Variants in RNPC3 observed in about 807,000 individuals in gnomAD.
The protein encoded by RNPC3 is RNA-binding region-containing protein 3.
RNPC3 carries 48 observed loss-of-function variants against 67.5 expected under a neutral mutation model. The observed-to-expected ratio is 0.71, with a 90% confidence interval of 0.56 to 0.90. The LOEUF is 0.90. Ranked by LOEUF, RNPC3 falls within the 40% of genes least tolerant of loss-of-function variation. RNPC3 has a pLI of 0.00. For missense variants in RNPC3, 637 were observed against 626.1 expected, an observed-to-expected ratio of 1.02 and a Z score of -0.19; for synonymous variants, 239 against 210.3, an observed-to-expected ratio of 1.14 and a Z score of -1.18.
chr1:103,553,528 T>G (rs951377669), intron 14 of RNPC3: 1 of 152,232 alleles, frequency 6.6e-6, no homozygotes, highest in Non-Finnish European at 1.5e-5. Context: ...GTCCTTTATA[T>G]AATTTTTTGA....
chr1:103,543,495 T>C, intron 9 of RNPC3, 48 bp downstream of exon 9: 3 of 1,266,682 alleles, frequency 2.4e-6, no homozygotes, highest in Admixed American at 3.4e-5. Context: ...CTTATTGTGT[T>C]AGAATTAAGT....
intron 14 of RNPC3, 31 bp from the exon 15 acceptor site, chr1:103,555,003 C>T (rs1260652041): frequency 6.6e-6 from 1 of 151,994 alleles, no homozygotes; most frequent in Non-Finnish European, 1.5e-5. Flanking sequence ...GTTATACTTC[C>T]TATTTTTAAT....
chr1:103,525,870 C>T lies in RNPC3; in HGVS notation c.-201C>T, dbSNP rs935897647. Reference sequence around the variant, plus strand: ...TGGAATTTAAATCATTAGCACCGCGCCCTTCCCCGAAGAGTCTTCGAAGGG... The same window carrying T: ...TGGAATTTAAATCATTAGCACCGCGTCCTTCCCCGAAGAGTCTTCGAAGGG... On this transcript the variant is annotated 5_prime_UTR_variant, in exon 1 of 15. Transcript: ENST00000423855. 3 of 547,436 alleles carry T rather than the reference C, an allele frequency of 5.5e-6. No homozygotes were observed. Among genetic ancestry groups the T allele is most frequent in the African/African-American group, 3.8e-5 (2 of 52,142 alleles). The allele number at this position is 547,436 out of a possible 1,614,324, so 33.9% of individuals were successfully genotyped here.
intron 2 of RNPC3, 41 bp downstream of exon 2, chr1:103,527,783 C>T: frequency 7.2e-7 from 1 of 1,379,720 alleles, no homozygotes; most frequent in Middle Eastern, 1.8e-4. Flanking sequence ...CAACAGGATC[C>T]TCTTATACAA....
intron 9 of RNPC3, among the ~76,000 whole-genome samples, 188 bp from the exon 10 acceptor site, chr1:103,544,753 A>T (rs979286580): frequency 8.2e-5 from 12 of 146,954 alleles, no homozygotes; most frequent in East Asian, 5.9e-4. Context: ...CTTTAACAAA[A>T]TTTTTTTTTT....
chr1:103,536,614 C>G (rs974415293), intron 6 of RNPC3, among the ~76,000 whole-genome samples: 4 of 152,224 alleles, frequency 2.6e-5, no homozygotes, highest in African/African-American at 7.2e-5. Flanking sequence ...TATACCTGCT[C>G]TTGAATAATT....
intron 2 of RNPC3, among the ~76,000 whole-genome samples, chr1:103,528,846 TGTGTTTTAA>T (rs1379953950): frequency 3.3e-5 from 5 of 152,130 alleles, no homozygotes; most frequent in Admixed American, 2.6e-4. Flanking sequence ...CAAAGAGAAG[TGTGTTTTAA>T]GAAGATGAAA....
intron 8 of RNPC3, 76 bp downstream of exon 8, chr1:103,541,551 A>G (rs1447581348): frequency 7.6e-7 from 1 of 1,321,672 alleles, no homozygotes; most frequent in Non-Finnish European, 9.9e-7. Flanking sequence ...ATCATTCTTC[A>G]TTCTGGCATT....
intron 11 of RNPC3, 42 bp from the exon 12 acceptor site, chr1:103,546,935 C>G: frequency 9.7e-7 from 1 of 1,030,078 alleles, no homozygotes; most frequent in Middle Eastern, 2.1e-4. Flanking sequence ...AAGTTTTTTT[C>G]CCCTGGCTTT....
chr1:103,542,016 T>C (rs763107374), intron 8 of RNPC3, among the ~76,000 whole-genome samples: 10 of 151,950 alleles, frequency 6.6e-5, no homozygotes, highest in Non-Finnish European at 1.2e-4. Flanking sequence ...ATTTATTGAG[T>C]GTATGGTAAG....
chr1:103,532,166 C>G (rs1650874884), intron 2 of RNPC3, among the ~76,000 whole-genome samples: 1 of 152,142 alleles, frequency 6.6e-6, no homozygotes, highest in Non-Finnish European at 1.5e-5. Flanking sequence ...TCTGTGTTCT[C>G]TATTCTGTTC....
chr1:103,534,816 T>C lies in RNPC3; in HGVS notation c.402T>C (p.Leu134=). ...AAGATGATAAAGAAAAAAAAGAACT[T>C]GGTTATTTAACAGTAGAAAATGGAA... is the stretch of plus-strand genomic sequence containing the variant. The part of the protein sequence containing the change: ...PVEDDKEKKE[L]GYLTVENGIA... Residue 134 remains leucine (L), a synonymous_variant, in exon 4 of 15, where the codon CTT becomes CTC. Transcript: ENST00000423855. 1 of 1,532,822 alleles carries C rather than the reference T, an allele frequency of 6.5e-7. No individual in the cohort carries two copies. 95.0% of individuals were successfully genotyped at this position (1,532,822 alleles called of 1,614,324 possible).
chr1:103,543,238 A>C, intron 8 of RNPC3, 58 bp from the exon 9 acceptor site: 1 of 1,217,358 alleles, frequency 8.2e-7, no homozygotes, highest in Non-Finnish European at 1.1e-6. Context: ...TTGAAATAAT[A>C]TTTTACTCAG....
chr1:103,534,732 C>T, intron 3 of RNPC3, 42 bp from the exon 4 acceptor site: 1 of 1,158,446 alleles, frequency 8.6e-7, no homozygotes, highest in Non-Finnish European at 1.2e-6. Context: ...AGTTTTTCAC[C>T]CTTTGGAAAG....
At chr1:103,550,411 A>T (rs1651358443) in intron 12 of RNPC3, among the ~76,000 whole-genome samples, 1 of 151,888 alleles carries the variant, frequency 6.6e-6, no homozygotes, top group African/African-American at 2.4e-5. Flanking sequence ...AGGCGGGCAG[A>T]TCACGAGGTC....
At chr1:103,545,443 G>T in intron 10 of RNPC3, 1 of 177,982 alleles carries the variant, frequency 5.6e-6, no homozygotes, top group South Asian at 1.3e-4. Context: ...CAAATACTGT[G>T]TCTGAGATAC....
chr1:103,541,461 G>A lies in RNPC3; in HGVS notation c.879G>A (p.Leu293=). Residue 293 remains leucine (L), a synonymous_variant, in exon 8 of 15, where the codon TTG becomes TTA. Transcript: ENST00000423855. The part of the protein sequence containing the change: ...RKIKDMLNTP[L]CPSHSSLHPV... ...TAAAGGATATGTTGAATACACCTTT[G>A]TGTCCTTCACACAGGTAATTTTATT... 2.0e-6 allele frequency: 3 copies of A among 1,494,312 alleles called. No individual in the cohort carries two copies. The highest frequency in any genetic ancestry group is 2.7e-6 in the Non-Finnish European group (3 of 1,131,576). The allele number at this position is 1,494,312 out of a possible 1,614,324, so 92.6% of individuals were successfully genotyped here.
Position 103,533,856 on chromosome 1 carries a change from A to T in RNPC3, c.358A>T (p.Arg120Trp), listed in dbSNP as rs778506096. ...CACTTCAGGCTCTGAAAAAAAAAAA[A>T]GGTATGTAGATCAGTAAATCATACA... ...CPTSGSEKKK[R>W]SDDPVEDDKE... The change falls in exon 3 of 15, where the codon AGG becomes TGG. Residue 120 changes from arginine to tryptophan, a missense_variant and splice_region_variant. Physicochemically the swap from Arg to Trp is moderately radical, Grantham distance 101 (BLOSUM62 -3). Coordinates refer to ENST00000423855, the MANE Select transcript of RNPC3 (RefSeq NM_017619.4). 1.5e-6 allele frequency: 2 copies of T among 1,378,188 alleles called. No individual in the cohort carries two copies. Among genetic ancestry groups the T allele is most frequent in the South Asian group, 2.5e-5 (2 of 80,340 alleles). 85.4% of individuals were successfully genotyped at this position (1,378,188 alleles called of 1,614,324 possible). A position where few individuals can be genotyped will look rare whatever the true frequency, so the allele number is the denominator to read the frequency against.
intron 7 of RNPC3, 92 bp from the exon 8 acceptor site, chr1:103,541,258 C>G: frequency 1.1e-6 from 1 of 909,196 alleles, no homozygotes. Context: ...AAATTATACA[C>G]CAAAATACAA....
Sources: gnomAD v4.1 joint callset for allele counts (sites outside exome capture counted in the v4.1 genomes callset) on GRCh38, gnomAD v4.1.1 for gene constraint, MANE v1.5 for transcripts, NCBI Gene and HGNC (gene_info 2026-07-23, HGNC 2026-07-21) for gene names.